SLC47A1: variants seen among roughly 807,000 people sequenced by gnomAD.
The protein encoded by SLC47A1 is multidrug and toxin extrusion protein 1.
SLC47A1 carries 58 observed loss-of-function variants against 65.8 expected under a neutral mutation model. The observed-to-expected ratio is 0.88, with a 90% CI of 0.71 to 1.10. The LOEUF (loss-of-function observed/expected upper bound fraction) is 1.10, where lower values mean the gene tolerates loss of function less well. SLC47A1 is among the 50% of genes least tolerant of loss of function. The probability of loss-of-function intolerance (pLI) is 0.00; values close to 1 mark genes in which losing one functional copy is unlikely to be tolerated. For missense variants in SLC47A1, 706 were observed against 719.2 expected (o/e 0.98, Z 0.21); for synonymous variants, 285 against 295.0 (o/e 0.97, Z 0.35).
intron 3 of SLC47A1, chr17:19,547,040 AG>A (rs1276998398): frequency 1.3e-5 from 2 of 153,924 alleles, no homozygotes; most frequent in African/African-American, 4.8e-5. Context: ...CGACTTGAAA[AG>A]ATGTACAAAA....
At chr17:19,547,376 C>T (rs1297080098) in intron 3 of SLC47A1, among the ~76,000 whole-genome samples, 2 of 139,532 alleles carry the variant, frequency 1.4e-5, no homozygotes, top group Non-Finnish European at 3.0e-5. Context: ...GAGATGGACT[C>T]TGGCTCTGTC....
intron 5 of SLC47A1, among the ~76,000 whole-genome samples, chr17:19,550,655 G>A (rs7219149): frequency 0.46 from 69,674 of 152,042 alleles, 16,169 homozygotes; most frequent in Middle Eastern, 0.58. Context: ...GGCTGTAGCT[G>A]AATTAGTCTG....
chr17:19,542,044 G>A (rs1916162661), intron 1 of SLC47A1, among the ~76,000 whole-genome samples: 1 of 152,130 alleles, frequency 6.6e-6, no homozygotes, highest in South Asian at 2.1e-4. Flanking sequence ...AGAATTGCTT[G>A]AACCTGGGAG....
chr17:19,562,913 G>T (rs527866245), intron 12 of SLC47A1, among the ~76,000 whole-genome samples: 1 of 152,168 alleles, frequency 6.6e-6, no homozygotes, highest in East Asian at 1.9e-4. Context: ...ATCACAGGGG[G>T]CGGGAAACGG....
rs532431434 is a variant in SLC47A1, at chr17:19,564,939, G to A, written c.1107-1851G>A. ...TCTCCATGTTGGTCAGGCTGGTCTC[G>A]AACTCACCACCTCAGGTGATCTGCC... is the stretch of plus-strand genomic sequence containing the variant. On this transcript the variant is annotated intron_variant, in intron 12 of 16. Transcript: ENST00000270570. 6.8e-4 allele frequency among the ~76,000 whole-genome samples: 103 copies of A among 152,200 alleles called. 3 individuals are homozygous for A. Among genetic ancestry groups the A allele is most frequent in the African/African-American group, 2.4e-3 (98 of 41,528 alleles).
At position 19,548,211 on chromosome 17, in the gene SLC47A1, A is replaced by C; in HGVS notation, c.455+78A>C. ...ATCCTGTCTGGGTGCAGCCAGGGCC[A>C]GGGACAAGGCTGCACACCAAGGTGG... On this transcript the variant is annotated intron_variant, in intron 4 of 16. Coordinates refer to ENST00000270570, the MANE Select transcript of SLC47A1 (RefSeq NM_018242.3). 2.0e-6 allele frequency: 3 copies of C among 1,533,766 alleles called. No homozygotes were observed. The South Asian group carries it at 3.6e-5, about 19-fold the overall frequency.
At position 19,542,379 on chromosome 17, in the gene SLC47A1, C is replaced by T; in HGVS notation, c.136-14C>T. The T allele has an allele frequency of 1.3e-6, 2 of 1,588,912 alleles. No individual in the cohort carries two copies. Among genetic ancestry groups the T allele is most frequent in the Non-Finnish European group, 1.7e-6 (2 of 1,166,768 alleles). ...TGGTCACTCACGTCCCTTCCCGTTCCCCTCTCTTCCCAGTTCTTGGTTCAG... is the reference window on the plus strand; with the variant it reads ...TGGTCACTCACGTCCCTTCCCGTTCTCCTCTCTTCCCAGTTCTTGGTTCAG... On this transcript the variant is annotated splice_polypyrimidine_tract_variant and intron_variant, in intron 1 of 16. Transcript: ENST00000270570.
Position 19,577,736 on chromosome 17 carries a change from T to G in SLC47A1, c.*183T>G. The stretch of plus-strand genomic sequence containing the variant: ...AAGCAACTAAGGTTAAAAGCTATAT[T>G]GTGGCCCAAGACACTGTCTGAAAGA... On this transcript the variant is annotated 3_prime_UTR_variant, in exon 17 of 17. Transcript: ENST00000270570. 1 of 1,417,838 alleles carries G rather than the reference T, an allele frequency of 7.1e-7. No individual in the cohort carries two copies. Among genetic ancestry groups the G allele is most frequent in the Non-Finnish European group, 9.2e-7 (1 of 1,091,034 alleles). 87.8% of individuals were successfully genotyped at this position (1,417,838 alleles called of 1,614,324 possible). A position where few individuals can be genotyped will look rare whatever the true frequency, so the allele number is the denominator to read the frequency against.
chr17:19,563,551 CAGGAAA>C (rs1382587582), intron 12 of SLC47A1, among the ~76,000 whole-genome samples: 1 of 151,922 alleles, frequency 6.6e-6, no homozygotes, highest in African/African-American at 2.4e-5. Flanking sequence ...TTTCAGAGCA[CAGGAAA>C]AGGAAAACTT....
At chr17:19,540,459 C>T (rs921039142) in intron 1 of SLC47A1, among the ~76,000 whole-genome samples, 1 of 152,110 alleles carries the variant, frequency 6.6e-6, no homozygotes, top group Non-Finnish European at 1.5e-5. Flanking sequence ...ATAAAAGGGA[C>T]CCTGTGGCCT....
intron 12 of SLC47A1, among the ~76,000 whole-genome samples, chr17:19,565,107 C>T (rs7224838): frequency 0.43 from 65,737 of 152,056 alleles, 14,598 homozygotes; most frequent in Middle Eastern, 0.61. Context: ...AAACTCACTC[C>T]AAGGGTGTTG....
intron 10 of SLC47A1, among the ~76,000 whole-genome samples, chr17:19,556,816 CAA>C (rs1916628073): frequency 1.3e-5 from 2 of 152,182 alleles, no homozygotes; most frequent in African/African-American, 2.4e-5. Flanking sequence ...CTTGGCCTCT[CAA>C]AGTGTTGGGA....
chr17:19,534,197 GGGA>G, intron 1 of SLC47A1, 123 bp downstream of exon 1: 1 of 1,280,926 alleles, frequency 7.8e-7, no homozygotes, highest in Non-Finnish European at 1.0e-6. Context: ...GCGGGCTCCG[GGGA>G]GCATCGTGCC....
At chr17:19,567,347 A>T in intron 14 of SLC47A1, 119 bp downstream of exon 14, 1 of 1,430,202 alleles carries the variant, frequency 7.0e-7, no homozygotes, top group South Asian at 1.3e-5. Context: ...GCCCACGTCC[A>T]TTCTGTGTCT....
At chr17:19,561,614 G>C (rs1302192238) in intron 12 of SLC47A1, among the ~76,000 whole-genome samples, 3 of 146,670 alleles carry the variant, frequency 2.0e-5, no homozygotes, top group African/African-American at 7.7e-5. Context: ...CTGCACTCCA[G>C]CCTGGGCGAC....
intron 6 of SLC47A1, among the ~76,000 whole-genome samples, chr17:19,552,053 G>A (rs1213070065): frequency 6.6e-6 from 1 of 152,224 alleles, no homozygotes; most frequent in Non-Finnish European, 1.5e-5. Context: ...CATTCTTCCA[G>A]ATAAGTCCAG....
At chr17:19,570,383 C>T (rs546915574) in intron 14 of SLC47A1, among the ~76,000 whole-genome samples, 3 of 152,272 alleles carry the variant, frequency 2.0e-5, no homozygotes, top group South Asian at 4.1e-4. Flanking sequence ...AGTGGGAAAG[C>T]GTCACAGTGG....
chr17:19,563,856 G>A (rs1303470861), intron 12 of SLC47A1, among the ~76,000 whole-genome samples: 1 of 152,064 alleles, frequency 6.6e-6, no homozygotes, highest in Non-Finnish European at 1.5e-5. Flanking sequence ...GGGCGTGGTG[G>A]CACGCACCTG....
chr17:19,537,595 T>TC (rs1916025453), intron 1 of SLC47A1, among the ~76,000 whole-genome samples: 1 of 152,218 alleles, frequency 6.6e-6, no homozygotes, highest in Admixed American at 6.5e-5. Flanking sequence ...CCTCCTCCAA[T>TC]CCGTCCTCAC....
Sources: allele counts gnomAD v4.1 joint callset (sites outside exome capture counted in the v4.1 genomes callset), GRCh38; gene constraint gnomAD v4.1.1; transcripts MANE v1.5; gene names NCBI Gene and HGNC (gene_info 2026-07-23, HGNC 2026-07-21).